The following KNDC1 variants were observed in gnomAD, a reference collection of about 807,000 sequenced individuals.
The protein encoded by KNDC1 is kinase non-catalytic C-lobe domain-containing protein 1.
KNDC1 carries 106 observed loss-of-function variants against 172.8 expected under a neutral mutation model. The observed-to-expected ratio is 0.61, with a 90% CI of 0.52 to 0.72. KNDC1 has a LOEUF of 0.72. Ranked by LOEUF, KNDC1 falls within the 30% of genes least tolerant of loss-of-function variation. KNDC1 has a pLI of 0.00. For missense variants in KNDC1, 2,325 were observed against 2,394.5 expected, an observed-to-expected ratio of 0.97 and a Z score of 0.61; for synonymous variants, 1,083 against 1,062.2, an observed-to-expected ratio of 1.02 and a Z score of -0.38.
At chr10:133,178,432 C>T (rs781468116) in intron 3 of KNDC1, among the ~76,000 whole-genome samples, 1 of 152,152 alleles carries the variant, frequency 6.6e-6, no homozygotes, top group Non-Finnish European at 1.5e-5. Context: ...GAAACTACAG[C>T]AAGTTTCAAG....
chr10:133,213,841 G>C, intron 25 of KNDC1, 114 bp downstream of exon 25: 1 of 1,434,780 alleles, frequency 7.0e-7, no homozygotes, highest in African/African-American at 1.4e-5. Flanking sequence ...CCAGAGACGC[G>C]AGAGAGTGGT....
At chr10:133,214,170 T>C in intron 26 of KNDC1, 48 bp downstream of exon 26, 1 of 1,599,452 alleles carries the variant, frequency 6.3e-7, no homozygotes, top group Non-Finnish European at 8.5e-7. Flanking sequence ...GGGGCCCACC[T>C]ACGCGGGGGT....
rs756802582 is a variant in KNDC1 at position 133,188,639 on chromosome 10, G to C, written c.1427G>C (p.Arg476Pro). Residue 476 changes from arginine to proline, a missense_variant, in exon 7 of 30, where the codon CGC becomes CCC. Coordinates refer to ENST00000304613, the MANE Select transcript of KNDC1 (RefSeq NM_152643.8). ...GCCTGCCTCCGCGCACTGCAGACAC[G>C]CCCTGAGCACCCAGGTGACGCACGC... is the stretch of plus-strand genomic sequence containing the variant. ...CLACLRALQT[R>P]PEHPAYLCLD... is the part of the protein sequence containing the mutation. The C allele has an allele frequency of 1.3e-6, 2 of 1,587,892 alleles. No individual in the cohort carries two copies. Among genetic ancestry groups the C allele is most frequent in the African/African-American group, 2.7e-5 (2 of 74,618 alleles).
Position 133,175,005 on chromosome 10 carries a change from GAA to G in KNDC1, c.360+6694_360+6695del. Among the ~76,000 whole-genome samples, 4 of 149,672 alleles carry G rather than the reference GAA, an allele frequency of 2.7e-5. 1 individual carries two copies. Among genetic ancestry groups the G allele is most frequent in the African/African-American group, 9.8e-5 (4 of 40,716 alleles). The stretch of plus-strand genomic sequence containing the variant: ...GTGGATGGGTGGATGGTGGATATGT[GAA>G]TGGATGGGTGGGTGGAAAGATGGGT... On this transcript the variant is annotated intron_variant, in intron 3 of 29. Coordinates refer to ENST00000304613, the MANE Select transcript of KNDC1 (RefSeq NM_152643.8).
rs560838251 is a variant in KNDC1, at chr10:133,175,133, G to A, written c.360+6821G>A. On this transcript the variant is annotated intron_variant, in intron 3 of 29. Transcript: ENST00000304613. ...ATGTGGATGGATGGGTGGATGGATGGTGGGTGGATGGGTGGATGAAAAGGT... is the reference window on the plus strand; with the variant it reads ...ATGTGGATGGATGGGTGGATGGATGATGGGTGGATGGGTGGATGAAAAGGT... 1.1e-4 allele frequency among the ~76,000 whole-genome samples: 16 copies of A among 150,186 alleles called. No homozygotes were observed. The South Asian group carries it at 3.4e-3, about 32-fold the overall frequency.
intron 17 of KNDC1, among the ~76,000 whole-genome samples, chr10:133,204,572 C>G (rs1223692212): frequency 6.6e-6 from 1 of 152,240 alleles, no homozygotes; most frequent in African/African-American, 2.4e-5. Flanking sequence ...GCTGCTGAAC[C>G]CGTGCGTGGG....
chr10:133,201,868 G>A lies in KNDC1; in HGVS notation c.3357G>A (p.Ala1119=), dbSNP rs758616186. Residue 1119 remains alanine, a synonymous_variant, in exon 17 of 30, where the codon GCG becomes GCA. Coordinates refer to ENST00000304613, the MANE Select transcript of KNDC1 (RefSeq NM_152643.8). ...NYVKDLGRQQ[A]DGALPDAQSP... ...TGAAGGACCTGGGGCGGCAGCAGGC[G>A]GACGGGGCCCTGCCCGACGCCCAGA... 37 of 1,474,868 alleles carry A rather than the reference G, an allele frequency of 2.5e-5. No homozygotes were observed. In the Middle Eastern group the frequency reaches 7.2e-4, roughly 29 times the overall value. The allele number at this position is 1,474,868 out of a possible 1,614,324, so 91.4% of individuals were successfully genotyped here.
rs1048689330 is a variant in KNDC1, at chr10:133,208,924, G to A, written c.3794+1573G>A. ...GTGTGGTGTGTGTATGTGCTGATGG[G>A]ATACTGTCTGGCATGTAAGCACACG... On this transcript the variant is annotated intron_variant, in intron 20 of 29. Coordinates refer to ENST00000304613, the MANE Select transcript of KNDC1 (RefSeq NM_152643.8). Among the ~76,000 whole-genome samples, 3 of 151,956 alleles carry A rather than the reference G, an allele frequency of 2.0e-5. No homozygotes were observed. In the East Asian group the frequency reaches 5.8e-4, roughly 29 times the overall value.
chr10:133,186,475 T>A lies in KNDC1; in HGVS notation c.1127T>A (p.Val376Asp). The A allele has an allele frequency of 6.2e-7, 1 of 1,612,154 alleles. No individual in the cohort carries two copies. Among genetic ancestry groups the A allele is most frequent in the Non-Finnish European group, 8.5e-7 (1 of 1,179,714 alleles). Reference protein sequence around the residue: ...EQEPEHQLGRVPCAGRSTDRG... With the variant: ...EQEPEHQLGRDPCAGRSTDRG... ...GAGCCGGAACACCAGCTGGGACGGG[T>A]TCCCTGTGCAGGCCGCAGCACGGAC... The change falls in exon 6 of 30, where the codon GTT (valine) becomes GAT (aspartate). Residue 376 changes from valine (V) to aspartate (D), a missense_variant. Transcript: ENST00000304613.
intron 1 of KNDC1, among the ~76,000 whole-genome samples, chr10:133,162,021 C>G (rs1166544616): frequency 6.6e-6 from 1 of 152,208 alleles, no homozygotes; most frequent in Non-Finnish European, 1.5e-5. Flanking sequence ...TCGGGCCGGC[C>G]GGACAGCTCC....
chr10:133,216,297 A>G (rs1845467476), intron 26 of KNDC1, among the ~76,000 whole-genome samples: 1 of 152,164 alleles, frequency 6.6e-6, no homozygotes, highest in Admixed American at 6.5e-5. Flanking sequence ...CGTTCAGACA[A>G]TGTCTTGGTG....
rs1254717483 is a variant in KNDC1, at chr10:133,213,571, C to T, written c.4444-74C>T. The T allele has an allele frequency of 2.2e-6, 3 of 1,342,316 alleles. No individual in the cohort carries two copies. In the African/African-American group the frequency reaches 4.3e-5, roughly 19 times the overall value. 83.2% of individuals were successfully genotyped at this position (1,342,316 alleles called of 1,614,324 possible). On this transcript the variant is annotated intron_variant, in intron 24 of 29. Transcript: ENST00000304613. ...TGGCCCCCCAGAAAACACCCACCCT[C>T]CCTGGGACCCTGCCTTGGACACAAG...
chr10:133,219,129 C>A, intron 28 of KNDC1, 39 bp downstream of exon 28: 1 of 1,598,466 alleles, frequency 6.3e-7, no homozygotes, highest in Non-Finnish European at 8.5e-7. Context: ...TTTGGTCCCC[C>A]GAGGCCCTCT....
chr10:133,185,274 G>GCAGTGTGGAGTAGGCAGTGTGTA (rs1853858391), intron 5 of KNDC1, among the ~76,000 whole-genome samples: 1 of 147,932 alleles, frequency 6.8e-6, no homozygotes, highest in Non-Finnish European at 1.5e-5. Flanking sequence ...GGCAGTGTGT[G>GCAGTGTGGAGTAGGCAGTGTGTA]CAGTGTGGAA....
intron 9 of KNDC1, among the ~76,000 whole-genome samples, chr10:133,191,238 GCACA>G (rs1445685508): frequency 1.2e-4 from 6 of 52,172 alleles, no homozygotes; most frequent in African/African-American, 3.5e-4. Context: ...AGGTGTGGTG[GCACA>G]TGCCTGTAAT....
chr10:133,167,117 A>C (rs537801964), intron 1 of KNDC1: 2 of 515,840 alleles, frequency 3.9e-6, no homozygotes, highest in Non-Finnish European at 3.5e-6. Flanking sequence ...TCCGGGAGGA[A>C]GGCCCCGTGC....
At chr10:133,162,109 G>T (rs1035307490) in intron 1 of KNDC1, among the ~76,000 whole-genome samples, 2 of 152,188 alleles carry the variant, frequency 1.3e-5, no homozygotes, top group Non-Finnish European at 2.9e-5. Context: ...TCATCCCACC[G>T]AGTTTGCAGC....
At chr10:133,213,897 G>A in intron 25 of KNDC1, 75 bp from the exon 26 acceptor site, 2 of 1,583,514 alleles carry the variant, frequency 1.3e-6, no homozygotes, top group Non-Finnish European at 8.7e-7. Flanking sequence ...AGCCCACCCT[G>A]CACCAGCAGC....
At chr10:133,222,270 G>C (rs191252937) in intron 29 of KNDC1, among the ~76,000 whole-genome samples, 2,035 of 129,912 alleles carry the variant, frequency 0.016, 61 homozygotes, top group African/African-American at 0.053. Flanking sequence ...GCGATAGAGC[G>C]AGACTCCGTC....
Sources: gnomAD v4.1 joint callset for allele counts (sites outside exome capture counted in the v4.1 genomes callset) on GRCh38, gnomAD v4.1.1 for gene constraint, MANE v1.5 for transcripts, NCBI Gene and HGNC (gene_info 2026-07-23, HGNC 2026-07-21) for gene names.